DTWD2: variants seen among roughly 807,000 people sequenced by gnomAD.
The protein encoded by DTWD2 is tRNA-uridine aminocarboxypropyltransferase 2.
In DTWD2, 39 loss-of-function variants were observed where a neutral mutation model predicts 31.8. The ratio of observed to expected loss-of-function variants is 1.22; its 90% CI spans 0.95 to 1.60. The LOEUF (loss-of-function observed/expected upper bound fraction) is 1.60. Among genes scored for constraint, DTWD2 ranks in the 40% most tolerant of loss-of-function variants. The pLI is 0.00. For synonymous variants in DTWD2, 180 were observed against 142.8 expected (o/e 1.26, Z -1.86); for missense variants, 515 against 381.5 (o/e 1.35, Z -2.92).
At chr5:118,950,181 C>A (rs982439596) in intron 1 of DTWD2, among the ~76,000 whole-genome samples, 13 of 145,490 alleles carry the variant, frequency 8.9e-5, no homozygotes, top group Admixed American at 2.8e-4. Context: ...CCACTGCACT[C>A]CAGCCTCGGT....
chr5:118,878,773 G>A (rs963284205), intron 4 of DTWD2, among the ~76,000 whole-genome samples: 2 of 151,866 alleles, frequency 1.3e-5, no homozygotes, highest in African/African-American at 4.8e-5. Context: ...ATCCAAAAAA[G>A]GAATGCTATC....
chr5:118,894,491 T>C (rs1472781081), intron 4 of DTWD2, among the ~76,000 whole-genome samples: 5 of 152,160 alleles, frequency 3.3e-5, no homozygotes, highest in Non-Finnish European at 5.9e-5. Flanking sequence ...GGTATTGCTA[T>C]TTAAAGACAG....
At chr5:118,985,651 G>A (rs1182887537) in intron 1 of DTWD2, among the ~76,000 whole-genome samples, 1 of 151,364 alleles carries the variant, frequency 6.6e-6, no homozygotes, top group Non-Finnish European at 1.5e-5. Flanking sequence ...CTTACTCCAC[G>A]ACGGCCTAAT....
Position 118,939,297 on chromosome 5 carries a change from T to C in DTWD2, c.310-7A>G, listed in dbSNP as rs1754126158. On this transcript the variant is annotated splice_polypyrimidine_tract_variant and splice_region_variant and intron_variant, in intron 2 of 5. Transcript: ENST00000510708. ...TACGCAACACTTTGTTTTCCTTTAA[T>C]TAAAAAATGAATTGAAACATAGATT... The C allele has an allele frequency of 6.4e-7, 1 of 1,554,832 alleles. No homozygotes were observed. The highest frequency in any genetic ancestry group is 8.7e-7 in the Non-Finnish European group (1 of 1,151,624).
At chr5:118,934,500 G>A (rs566748136) in intron 3 of DTWD2, among the ~76,000 whole-genome samples, 13 of 151,800 alleles carry the variant, frequency 8.6e-5, no homozygotes, top group Non-Finnish European at 1.5e-4. Flanking sequence ...AATGTATAAT[G>A]TTATTAATTC....
At chr5:118,852,717 GAT>G (rs72484098) in intron 4 of DTWD2, among the ~76,000 whole-genome samples, 109,610 of 150,840 alleles carry the variant, frequency 0.73, 39,893 homozygotes, top group East Asian at 0.89. Flanking sequence ...CTCATAACTG[GAT>G]ATATATATAT....
chr5:118,850,104 G>A (rs1213323631), intron 4 of DTWD2, among the ~76,000 whole-genome samples: 4 of 151,708 alleles, frequency 2.6e-5, no homozygotes, highest in African/African-American at 9.7e-5. Context: ...AAATGGTGCT[G>A]GGATAACTGG....
intron 1 of DTWD2, among the ~76,000 whole-genome samples, chr5:118,964,061 T>C (rs1754768302): frequency 1.3e-5 from 2 of 151,914 alleles, no homozygotes; most frequent in East Asian, 1.9e-4. Flanking sequence ...AATACAAAAA[T>C]TAGCCAGGCG....
chr5:118,893,074 A>T (rs557698803), intron 4 of DTWD2, among the ~76,000 whole-genome samples: 13 of 151,524 alleles, frequency 8.6e-5, no homozygotes, highest in African/African-American at 2.2e-4. Context: ...ACTTCTATAT[A>T]AAAAAAAGTG....
chr5:118,950,551 T>G (rs1754441486), intron 1 of DTWD2, among the ~76,000 whole-genome samples: 1 of 152,152 alleles, frequency 6.6e-6, no homozygotes, highest in Admixed American at 6.5e-5. Flanking sequence ...TGGGAGTGGC[T>G]GCCGGGCAAG....
chr5:118,906,848 T>A (rs1426490702), intron 4 of DTWD2, among the ~76,000 whole-genome samples: 1 of 152,160 alleles, frequency 6.6e-6, no homozygotes, highest in Non-Finnish European at 1.5e-5. Context: ...TTATTGCATG[T>A]GGGTTATAAA....
intron 5 of DTWD2, among the ~76,000 whole-genome samples, chr5:118,845,450 A>G (rs1262170737): frequency 6.6e-6 from 1 of 152,238 alleles, no homozygotes; most frequent in Non-Finnish European, 1.5e-5. Flanking sequence ...TCCCCCACTA[A>G]GAAAACAGCT....
At chr5:118,926,475 G>C (rs896901900) in intron 4 of DTWD2, among the ~76,000 whole-genome samples, 1 of 151,930 alleles carries the variant, frequency 6.6e-6, no homozygotes, top group African/African-American at 2.4e-5. Context: ...TAAAATCTCA[G>C]AATTCACCAC....
chr5:118,880,329 C>G (rs1752714311), intron 4 of DTWD2, among the ~76,000 whole-genome samples: 1 of 152,054 alleles, frequency 6.6e-6, no homozygotes, highest in Non-Finnish European at 1.5e-5. Flanking sequence ...TTAATGAGCT[C>G]AAAAACACTT....
intron 1 of DTWD2, among the ~76,000 whole-genome samples, chr5:118,965,241 C>A (rs1487827519): frequency 6.6e-6 from 1 of 151,758 alleles, no homozygotes; most frequent in Non-Finnish European, 1.5e-5. Flanking sequence ...CATCTCCGCC[C>A]GACAGCCGCC....
At chr5:118,863,074 T>C (rs891855498) in intron 4 of DTWD2, among the ~76,000 whole-genome samples, 3 of 152,214 alleles carry the variant, frequency 2.0e-5, no homozygotes, top group Non-Finnish European at 2.9e-5. Context: ...GCCCATATTT[T>C]TTCAAGCCAC....
At position 118,973,946 on chromosome 5, in the gene DTWD2, G is replaced by A. The variant is rs576670212; in HGVS notation, c.218+14348C>T. ...AAATGGGGAGCAGGAGGCTGACAAT[G>A]AGGTAGATGAAGAAGAGGAAGAAGG... On this transcript the variant is annotated intron_variant, in intron 1 of 5. Transcript: ENST00000510708. 5.7e-6 allele frequency: 9 copies of A among 1,588,072 alleles called. No homozygotes were observed. In the East Asian group the frequency reaches 1.6e-4, roughly 28 times the overall value.
At chr5:118,964,217 C>CAAAAAAAAAAAA (rs34712667) in intron 1 of DTWD2, among the ~76,000 whole-genome samples, 1 of 84,766 alleles carries the variant, frequency 1.2e-5, no homozygotes, top group Non-Finnish European at 2.5e-5. Flanking sequence ...GACTCCATCT[C>CAAAAAAAAAAAA]AAAAAAAAAA....
chr5:118,854,166 G>T (rs1451683790), intron 4 of DTWD2, among the ~76,000 whole-genome samples: 1 of 151,978 alleles, frequency 6.6e-6, no homozygotes, highest in Admixed American at 6.6e-5. Context: ...TATGAAAAAT[G>T]GAATACATTT....
Sources: allele counts gnomAD v4.1 joint callset (sites outside exome capture counted in the v4.1 genomes callset), GRCh38; gene constraint gnomAD v4.1.1; transcripts MANE v1.5; gene names NCBI Gene and HGNC (gene_info 2026-07-23, HGNC 2026-07-21).